The following PISD variants were observed in gnomAD, a reference collection of about 807,000 sequenced individuals.
PISD encodes the protein phosphatidylserine decarboxylase proenzyme, mitochondrial.
A neutral mutation model predicts 43.5 loss-of-function variants in PISD; 31 were observed. That is an observed-to-expected ratio of 0.71 (90% confidence interval 0.54 to 0.96). The LOEUF (loss-of-function observed/expected upper bound fraction) is 0.96, where lower values mean the gene tolerates loss of function less well. PISD is among the 40% of genes least tolerant of loss of function. The probability of loss-of-function intolerance (pLI) is 0.00; values close to 1 mark genes in which losing one functional copy is unlikely to be tolerated. For missense variants in PISD, 523 were observed against 548.4 expected, an observed-to-expected ratio of 0.95 and a Z score of 0.46; for synonymous variants, 259 against 228.7, an observed-to-expected ratio of 1.13 and a Z score of -1.20.
At chr22:31,649,180 A>C (rs2073967881) in intron 2 of PISD, among the ~76,000 whole-genome samples, 1 of 152,168 alleles carries the variant, frequency 6.6e-6, no homozygotes, top group Non-Finnish European at 1.5e-5. Context: ...TGATCACGCC[A>C]CTGCACTCCA....
In PISD at chr22:31,619,652, C is replaced by T. The variant is rs971430868; in HGVS notation, c.1190G>A (p.Gly397Glu). ...PKDFNFQLKT[G>E]QKIRFGEALG... ...GGCTTCCCCAAAGCGGATTTTCTGT[C>T]CTGTTTTCAGCTGGAAATTGAAGTC... Residue 397 changes from glycine (G) to glutamate (E), a missense_variant, in exon 8 of 8, where the codon GGA becomes GAA. Physicochemically the swap from Gly to Glu is moderately conservative, Grantham distance 98 (BLOSUM62 -2). Coordinates refer to ENST00000439502, the MANE Select transcript of PISD (RefSeq NM_001326411.2). The T allele has an allele frequency of 6.2e-7, 1 of 1,614,236 alleles. No homozygotes were observed. The highest frequency in any genetic ancestry group is 8.5e-7 in the Non-Finnish European group (1 of 1,180,048).
chr22:31,621,280 C>T lies in PISD; in HGVS notation c.697+54G>A, dbSNP rs545717569. On this transcript the variant is annotated intron_variant, in intron 5 of 7. Transcript: ENST00000439502. ...CCTTCCCCAGCATTCCCCTCCCTCCCGGTCCAGCCACACAGCAGCAGGGCT... is the reference window on the plus strand; with the variant it reads ...CCTTCCCCAGCATTCCCCTCCCTCCTGGTCCAGCCACACAGCAGCAGGGCT... The T allele has an allele frequency of 4.4e-5, 71 of 1,611,496 alleles. 1 individual carries two copies. The highest frequency in any genetic ancestry group is 3.4e-4 in the Middle Eastern group (2 of 5,948).
At chr22:31,625,962 T>C (rs1167080450) in intron 3 of PISD, 15 of 1,479,704 alleles carry the variant, frequency 1.0e-5, no homozygotes, top group Non-Finnish European at 1.8e-6. Context: ...TGGCGCCGCT[T>C]CCTGGGTTTG....
At chr22:31,642,918 C>CA (rs1039720873) in intron 3 of PISD, among the ~76,000 whole-genome samples, 3 of 151,074 alleles carry the variant, frequency 2.0e-5, no homozygotes, top group African/African-American at 4.9e-5. Flanking sequence ...GCTTGACCAA[C>CA]ATGGAGCATC....
intron 3 of PISD, among the ~76,000 whole-genome samples, chr22:31,627,638 G>A (rs73881396): frequency 0.016 from 2,370 of 152,362 alleles, 59 homozygotes; most frequent in African/African-American, 0.053. Context: ...GGAGGCAAGC[G>A]TGGCCTTGAG....
At chr22:31,632,906 G>A (rs2073269378) in intron 3 of PISD, among the ~76,000 whole-genome samples, 2 of 152,106 alleles carry the variant, frequency 1.3e-5, no homozygotes, top group Non-Finnish European at 1.5e-5. Flanking sequence ...CTATCAATCA[G>A]CCTATGGTAA....
In PISD at chr22:31,655,076, C is replaced by CAAAAAAAA. The variant is rs1038608958; in HGVS notation, c.66-4306_66-4299dup. Among the ~76,000 whole-genome samples, 3 of 57,112 alleles carry CAAAAAAAA rather than the reference C, an allele frequency of 5.3e-5. 1 individual carries two copies. Among genetic ancestry groups the CAAAAAAAA allele is most frequent in the Non-Finnish European group, 3.4e-5 (1 of 29,524 alleles). 37.5% of individuals were successfully genotyped at this position (57,112 alleles called of 152,430 possible). A position where few individuals can be genotyped will look rare whatever the true frequency, so the allele number is the denominator to read the frequency against. Reference sequence around the variant, plus strand: ...GGGTAACAGAGCAAGACTCTATCTCCAAAAAAAAAAAAAAAAAAAAAAAAG... The same window carrying CAAAAAAAA: ...GGGTAACAGAGCAAGACTCTATCTCCAAAAAAAAAAAAAAAAAAAAAAAAAAAAAAAAG... On this transcript the variant is annotated intron_variant, in intron 1 of 7. Coordinates refer to ENST00000439502, the MANE Select transcript of PISD (RefSeq NM_001326411.2).
chr22:31,621,369 G>A lies in PISD; in HGVS notation c.662C>T (p.Pro221Leu), dbSNP rs754079183. 1.9e-5 allele frequency: 30 copies of A among 1,613,942 alleles called. No individual in the cohort carries two copies. The Admixed American group carries it at 2.8e-4, about 15-fold the overall frequency. Residue 221 changes from proline (P) to leucine (L), a missense_variant, in exon 5 of 8, where the codon CCG (proline) becomes CTG (leucine). Transcript: ENST00000439502. ...VTYSLESFLG[P>L]RMCTEDLPFP... is the part of the protein sequence containing the mutation. ...GGGCAGGTCCTCTGTGCACATACGC[G>A]GGCCCAGGAACGACTCCAGGGAGTA...
rs750648956 is a variant in PISD at position 31,623,785 on chromosome 22, C to T, written c.322-1900G>A. The T allele has an allele frequency of 1.5e-5, 24 of 1,614,004 alleles. No homozygotes were observed. Among genetic ancestry groups the T allele is most frequent in the Middle Eastern group, 1.6e-4 (1 of 6,068 alleles). On this transcript the variant is annotated intron_variant, in intron 3 of 7. Coordinates refer to ENST00000439502, the MANE Select transcript of PISD (RefSeq NM_001326411.2). ...AAGGGCCAGGAGCGCAGTTTCAGAG[C>T]GGGTCTGGACATGCAGCTCAGCTGC...
At chr22:31,620,755 G>C (rs545580972) in intron 6 of PISD, 42 bp from the exon 7 acceptor site, 23 of 1,609,152 alleles carry the variant, frequency 1.4e-5, no homozygotes, top group Non-Finnish European at 2.0e-5. Flanking sequence ...TCCAGAGCCC[G>C]GTGTGTCCAC....
chr22:31,624,590 G>T (rs1232771348), intron 3 of PISD, among the ~76,000 whole-genome samples: 1 of 151,840 alleles, frequency 6.6e-6, no homozygotes, highest in Non-Finnish European at 1.5e-5. Context: ...ACAGGTTTGT[G>T]AACAAAACCT....
rs141043691 is a variant in PISD, at chr22:31,641,935, C to T, written c.321+6166G>A. On this transcript the variant is annotated intron_variant, in intron 3 of 7. Transcript: ENST00000439502. ...AACCTTGGATAAGGGGGAAACACTCCGATTGTTTTAGAAGCCAAATGCATG... is the reference window on the plus strand; with the variant it reads ...AACCTTGGATAAGGGGGAAACACTCTGATTGTTTTAGAAGCCAAATGCATG... Among the ~76,000 whole-genome samples, 93 of 151,264 alleles carry T rather than the reference C, an allele frequency of 6.1e-4. 4 individuals carry two copies. The highest frequency in any genetic ancestry group is 2.1e-3 in the African/African-American group (87 of 40,610).
intron 5 of PISD, 53 bp downstream of exon 5, chr22:31,621,281 G>A (rs1016338941): frequency 1.1e-5 from 18 of 1,611,420 alleles, no homozygotes; most frequent in Admixed American, 5.0e-5. Context: ...CCTCCCTCCC[G>A]GTCCAGCCAC....
chr22:31,661,113 C>T (rs1424122559), intron 1 of PISD, among the ~76,000 whole-genome samples: 1 of 152,184 alleles, frequency 6.6e-6, no homozygotes, highest in Admixed American at 6.5e-5. Context: ...AAGTCTCCTG[C>T]CCAAATTCTA....
intron 3 of PISD, among the ~76,000 whole-genome samples, chr22:31,647,759 C>T (rs1020955528): frequency 3.3e-5 from 5 of 152,164 alleles, no homozygotes; most frequent in African/African-American, 1.2e-4. Context: ...TAATCCACAT[C>T]ACAAAAGCTC....
At chr22:31,648,553 C>A (rs2073945360) in intron 2 of PISD, among the ~76,000 whole-genome samples, 1 of 151,954 alleles carries the variant, frequency 6.6e-6, no homozygotes, top group Non-Finnish European at 1.5e-5. Context: ...GCCTGTAGTC[C>A]CAGCTACTCG....
chr22:31,662,121 G>A (rs778025765), intron 1 of PISD, 23 bp downstream of exon 1: 1 of 1,603,216 alleles, frequency 6.2e-7, no homozygotes, highest in Admixed American at 1.7e-5. Context: ...ACGCCCCAAG[G>A]TAGTCTCTCC....
chr22:31,634,332 G>C (rs1236371910), intron 3 of PISD, among the ~76,000 whole-genome samples: 1 of 152,228 alleles, frequency 6.6e-6, no homozygotes, highest in African/African-American at 2.4e-5. Flanking sequence ...AGAGAGGCCA[G>C]GCAAGCACAA....
intron 1 of PISD, among the ~76,000 whole-genome samples, chr22:31,651,270 A>C (rs151003014): frequency 0.011 from 1,609 of 152,278 alleles, 8 homozygotes; most frequent in Middle Eastern, 0.031. Flanking sequence ...AGCCTAGAAA[A>C]GGGCTTAAAA....
Sources: allele counts gnomAD v4.1 joint callset (sites outside exome capture counted in the v4.1 genomes callset), GRCh38; gene constraint gnomAD v4.1.1; transcripts MANE v1.5; gene names NCBI Gene and HGNC (gene_info 2026-07-23, HGNC 2026-07-21).